The following NCAM2 variants were observed in gnomAD, a reference collection of about 807,000 sequenced individuals.
The protein encoded by NCAM2 is N-CAM-2.
Under a neutral mutation model 98.1 loss-of-function variants are expected in NCAM2, and 30 were observed. The ratio of observed to expected loss-of-function variants is 0.31; its 90% CI spans 0.23 to 0.41. The LOEUF (loss-of-function observed/expected upper bound fraction) is 0.41, where lower values mean the gene tolerates loss of function less well. Among genes scored for constraint, NCAM2 ranks in the 10% least tolerant of loss-of-function variants. The probability of loss-of-function intolerance (pLI) is 1.00; values close to 1 mark genes in which losing one functional copy is unlikely to be tolerated. For missense variants in NCAM2, 867 were observed against 1,005.8 expected, an observed-to-expected ratio of 0.86 and a Z score of 1.87; for synonymous variants, 368 against 342.4, an observed-to-expected ratio of 1.07 and a Z score of -0.83.
intron 1 of NCAM2, among the ~76,000 whole-genome samples, chr21:21,280,210 A>G (rs2072878710): frequency 6.6e-6 from 1 of 152,014 alleles, no homozygotes; most frequent in Non-Finnish European, 1.5e-5. Flanking sequence ...ATGATAATAT[A>G]GGATTTATAC....
rs1990221262 is a variant in NCAM2 at position 21,541,277 on chromosome 21, T to C, written c.*3320T>C. ...AAAAAACTACAATTAACATCATTAC[T>C]AGTATATTTTGCTTAGATTTGAGAT... is the stretch of plus-strand genomic sequence containing the variant. On this transcript the variant is annotated 3_prime_UTR_variant, in exon 18 of 18. Coordinates refer to ENST00000400546, the MANE Select transcript of NCAM2 (RefSeq NM_004540.5). 1 of 151,706 alleles carries C rather than the reference T, an allele frequency of 6.6e-6. No homozygotes were observed. The highest frequency in any genetic ancestry group is 2.4e-5 in the African/African-American group (1 of 41,422). The allele number at this position is 151,706 out of a possible 1,614,324, so 9.4% of individuals were successfully genotyped here.
At chr21:21,171,765 T>C (rs1377196492) in intron 1 of NCAM2, among the ~76,000 whole-genome samples, 1 of 152,194 alleles carries the variant, frequency 6.6e-6, no homozygotes, top group Admixed American at 6.5e-5. Context: ...TACAGTTGAT[T>C]GAATTACAAC....
intron 5 of NCAM2, among the ~76,000 whole-genome samples, chr21:21,295,921 T>C (rs1601895067): frequency 6.6e-6 from 1 of 151,848 alleles, no homozygotes; most frequent in East Asian, 1.9e-4. Context: ...CTTACCTTGG[T>C]GTCCCTTTTC....
intron 8 of NCAM2, among the ~76,000 whole-genome samples, chr21:21,350,867 CA>C (rs2075314949): frequency 6.7e-6 from 1 of 148,306 alleles, no homozygotes; most frequent in South Asian, 2.1e-4. Flanking sequence ...GCAGGTGGAT[CA>C]CGAGGTCAGG....
At chr21:21,511,770 G>A (rs1009090874) in intron 16 of NCAM2, among the ~76,000 whole-genome samples, 4 of 151,806 alleles carry the variant, frequency 2.6e-5, no homozygotes, top group African/African-American at 7.3e-5. Flanking sequence ...ATCTTTGCCT[G>A]TCTTTTGGAT....
intron 5 of NCAM2, among the ~76,000 whole-genome samples, chr21:21,303,201 C>A (rs555213751): frequency 2.7e-5 from 4 of 146,772 alleles, no homozygotes; most frequent in African/African-American, 1.0e-4. Context: ...TGCACATGTA[C>A]CCCTGTATCT....
intron 1 of NCAM2, among the ~76,000 whole-genome samples, chr21:21,066,815 A>C (rs1601259002): frequency 6.6e-6 from 1 of 152,060 alleles, no homozygotes; most frequent in Non-Finnish European, 1.5e-5. Flanking sequence ...AAGCATTATT[A>C]GATGAAGTCA....
chr21:21,406,714 T>C (rs1440249933), intron 9 of NCAM2, among the ~76,000 whole-genome samples: 1 of 152,174 alleles, frequency 6.6e-6, no homozygotes, highest in African/African-American at 2.4e-5. Flanking sequence ...ATAAAGTCAC[T>C]TCTTTTCATT....
intron 1 of NCAM2, among the ~76,000 whole-genome samples, chr21:21,089,995 A>T (rs1023761765): frequency 1.3e-5 from 2 of 152,292 alleles, no homozygotes; most frequent in South Asian, 4.1e-4. Flanking sequence ...ATAGGTAGGG[A>T]TGCAAGGACT....
chr21:21,423,892 T>C (rs1342202463), intron 11 of NCAM2, among the ~76,000 whole-genome samples: 1 of 152,150 alleles, frequency 6.6e-6, no homozygotes, highest in Non-Finnish European at 1.5e-5. Flanking sequence ...AGAACAGAGA[T>C]TGGCTTACAG....
intron 1 of NCAM2, among the ~76,000 whole-genome samples, chr21:21,062,481 G>T (rs1236673288): frequency 2.0e-5 from 3 of 152,126 alleles, no homozygotes; most frequent in Admixed American, 6.6e-5. Flanking sequence ...CAAATGTTGG[G>T]CATCTATTCA....
intron 12 of NCAM2, among the ~76,000 whole-genome samples, chr21:21,460,537 T>C (rs948706976): frequency 5.3e-5 from 8 of 152,114 alleles, no homozygotes; most frequent in African/African-American, 1.9e-4. Flanking sequence ...AGAGTGCATT[T>C]GTAATAAAGG....
chr21:21,307,370 A>G (rs1206975397), intron 5 of NCAM2, among the ~76,000 whole-genome samples: 1 of 152,146 alleles, frequency 6.6e-6, no homozygotes, highest in Non-Finnish European at 1.5e-5. Flanking sequence ...CCTTTGTGCT[A>G]AGTTTATCAG....
chr21:21,329,568 ATG>A (rs1568940091), intron 6 of NCAM2, among the ~76,000 whole-genome samples: 2 of 152,162 alleles, frequency 1.3e-5, no homozygotes, highest in Non-Finnish European at 2.9e-5. Flanking sequence ...GCTGGAATCA[ATG>A]TGTCAATAAT....
chr21:21,411,075 C>CATATATATGTGTGTATATATAT (rs1569033289), intron 10 of NCAM2, among the ~76,000 whole-genome samples: 2 of 4,956 alleles, frequency 4.0e-4, no homozygotes, highest in African/African-American at 2.2e-3. Flanking sequence ...TATATACACA[C>CATATATATGTGTGTATATATAT]ACATATATAT....
At chr21:21,085,951 A>C (rs1271061297) in intron 1 of NCAM2, among the ~76,000 whole-genome samples, 1 of 152,224 alleles carries the variant, frequency 6.6e-6, no homozygotes, top group Non-Finnish European at 1.5e-5. Context: ...AAATTTATTA[A>C]GCACTGCAGA....
At chr21:21,426,153 C>T (rs551487580) in intron 11 of NCAM2, among the ~76,000 whole-genome samples, 102 of 152,220 alleles carry the variant, frequency 6.7e-4, no homozygotes, top group African/African-American at 2.4e-3. Flanking sequence ...AAGACCCCAC[C>T]TCTTAATAAT....
At chr21:21,209,736 T>TAC (rs1447177746) in intron 1 of NCAM2, among the ~76,000 whole-genome samples, 2 of 152,174 alleles carry the variant, frequency 1.3e-5, no homozygotes, top group African/African-American at 2.4e-5. Flanking sequence ...ACGTGTGTTC[T>TAC]ACACATAAGA....
chr21:21,512,867 T>C (rs1988479109), intron 16 of NCAM2, among the ~76,000 whole-genome samples: 1 of 152,086 alleles, frequency 6.6e-6, no homozygotes, highest in Non-Finnish European at 1.5e-5. Flanking sequence ...ATTACTTTAT[T>C]GGTTTCTTTT....
Sources: gnomAD v4.1 joint callset for allele counts (sites outside exome capture counted in the v4.1 genomes callset) on GRCh38, gnomAD v4.1.1 for gene constraint, MANE v1.5 for transcripts, NCBI Gene and HGNC (gene_info 2026-07-23, HGNC 2026-07-21) for gene names.